The following TDRD7 variants were observed in gnomAD, a reference collection of about 807,000 sequenced individuals.
The protein encoded by TDRD7 is tudor domain containing 7, also known as tudor domain-containing protein 7.
In TDRD7, 47 loss-of-function variants were observed where a neutral mutation model predicts 109.8. That is an observed-to-expected ratio of 0.43 (90% CI 0.34 to 0.55). The LOEUF (loss-of-function observed/expected upper bound fraction) is 0.55, where lower values mean the gene tolerates loss of function less well. TDRD7 is among the 20% of genes least tolerant of loss of function. TDRD7 has a pLI of 0.03. For synonymous variants in TDRD7, 424 were observed against 457.3 expected, an observed-to-expected ratio of 0.93 and a Z score of 0.93; for missense variants, 1,164 against 1,319.2, an observed-to-expected ratio of 0.88 and a Z score of 1.82.
At chr9:97,470,716 AC>A in intron 9 of TDRD7, 47 bp downstream of exon 9, 1 of 1,392,012 alleles carries the variant, frequency 7.2e-7, no homozygotes, top group Non-Finnish European at 1.0e-6. Context: ...ATAGGCTATT[AC>A]CACTGTACAT....
At chr9:97,487,125 C>A (rs892502181) in intron 15 of TDRD7, 47 bp from the exon 16 acceptor site, 1 of 1,595,456 alleles carries the variant, frequency 6.3e-7, no homozygotes, top group Non-Finnish European at 8.6e-7. Flanking sequence ...AAAGCAGGTA[C>A]TGAGTTTATG....
intron 1 of TDRD7, among the ~76,000 whole-genome samples, chr9:97,413,424 A>G (rs750998913): frequency 2.0e-5 from 3 of 152,222 alleles, no homozygotes; most frequent in Non-Finnish European, 4.4e-5. Flanking sequence ...TTACTTTGCA[A>G]GGCTTTTCCA....
chr9:97,441,641 A>AT lies in TDRD7; in HGVS notation c.638-10dup, dbSNP rs748449778. 1 of 1,568,864 alleles carries AT rather than the reference A, an allele frequency of 6.4e-7. No individual in the cohort carries two copies. The highest frequency in any genetic ancestry group is 1.1e-5 in the South Asian group (1 of 87,570). On this transcript the variant is annotated splice_polypyrimidine_tract_variant and intron_variant, in intron 5 of 16. Transcript: ENST00000355295. Reference sequence around the variant, plus strand: ...GTTAAGCATTTTGGTTAATTCTATTATTTTTTTAATTTAAAGATAATTTAA... The same window carrying AT: ...GTTAAGCATTTTGGTTAATTCTATTATTTTTTTTAATTTAAAGATAATTTAA...
chr9:97,483,413 A>G (rs1408736614), intron 15 of TDRD7, 62 bp downstream of exon 15: 1 of 1,585,866 alleles, frequency 6.3e-7, no homozygotes, highest in African/African-American at 1.3e-5. Context: ...ATGATGCCAG[A>G]GTCTTAATCT....
At chr9:97,431,409 G>GACAAA (rs1828102151) in intron 3 of TDRD7, among the ~76,000 whole-genome samples, 1 of 152,034 alleles carries the variant, frequency 6.6e-6, no homozygotes, top group East Asian at 1.9e-4. Context: ...ATGATTTTAT[G>GACAAA]TCTTATTTGA....
chr9:97,487,044 T>G, intron 15 of TDRD7, 128 bp from the exon 16 acceptor site: 1 of 1,087,848 alleles, frequency 9.2e-7, no homozygotes, highest in East Asian at 2.6e-5. Flanking sequence ...TTTTTGAAAA[T>G]ATAGTTTTAA....
intron 1 of TDRD7, among the ~76,000 whole-genome samples, chr9:97,425,708 G>C (rs1048485090): frequency 6.6e-6 from 1 of 152,120 alleles, no homozygotes; most frequent in African/African-American, 2.4e-5. Context: ...AATGTTGTTG[G>C]TCCTGGTGAT....
chr9:97,483,407 T>C, intron 15 of TDRD7, 56 bp downstream of exon 15: 1 of 1,597,742 alleles, frequency 6.3e-7, no homozygotes, highest in Non-Finnish European at 8.5e-7. Flanking sequence ...TGTAAAATGA[T>C]GCCAGAGTCT....
intron 14 of TDRD7, among the ~76,000 whole-genome samples, chr9:97,481,447 C>A (rs998600692): frequency 1.3e-5 from 2 of 152,122 alleles, no homozygotes; most frequent in East Asian, 3.8e-4. Context: ...TGTACTTTTG[C>A]ATCTTTAAAT....
At chr9:97,482,750 G>C in intron 14 of TDRD7, 99 bp from the exon 15 acceptor site, 1 of 1,321,246 alleles carries the variant, frequency 7.6e-7, no homozygotes, top group Non-Finnish European at 1.1e-6. Flanking sequence ...CAAGGGTTTT[G>C]GCAAAATACT....
intron 1 of TDRD7, among the ~76,000 whole-genome samples, chr9:97,415,380 G>T (rs1361669848): frequency 1.3e-5 from 2 of 152,196 alleles, no homozygotes; most frequent in African/African-American, 4.8e-5. Context: ...TCAATCAATG[G>T]TAGAAGGCGT....
At chr9:97,436,248 G>A (rs184514448) in intron 4 of TDRD7, among the ~76,000 whole-genome samples, 10 of 152,164 alleles carry the variant, frequency 6.6e-5, no homozygotes, top group Admixed American at 5.9e-4. Context: ...TTATTTTCTT[G>A]TATGCCTGCC....
intron 8 of TDRD7, among the ~76,000 whole-genome samples, chr9:97,469,864 A>G (rs1828882392): frequency 6.6e-6 from 1 of 152,220 alleles, no homozygotes; most frequent in African/African-American, 2.4e-5. Flanking sequence ...AAAGTTGTTC[A>G]GGTTTCTGCA....
At chr9:97,445,076 C>G (rs1339023620) in intron 6 of TDRD7, among the ~76,000 whole-genome samples, 1 of 152,168 alleles carries the variant, frequency 6.6e-6, no homozygotes, top group African/African-American at 2.4e-5. Flanking sequence ...CAACAATGAG[C>G]CAGCTCCAAG....
chr9:97,475,544 A>C (rs773117707), intron 12 of TDRD7, 75 bp downstream of exon 12: 141 of 1,065,904 alleles, frequency 1.3e-4, no homozygotes, highest in Admixed American at 5.9e-5. Context: ...GGTTTTTTTA[A>C]AAAATTGAAT....
chr9:97,413,272 T>C (rs547473615), intron 1 of TDRD7, among the ~76,000 whole-genome samples: 1 of 152,374 alleles, frequency 6.6e-6, no homozygotes, highest in South Asian at 2.1e-4. Context: ...TGTGTATGAA[T>C]GTGTTGCATA....
intron 16 of TDRD7, among the ~76,000 whole-genome samples, chr9:97,490,491 CT>C (rs1194929912): frequency 2.1e-5 from 3 of 140,784 alleles, no homozygotes; most frequent in Non-Finnish European, 4.5e-5. Context: ...TCTTTCAAGA[CT>C]TTTGTTCATC....
chr9:97,463,168 A>T (rs1218948271), intron 7 of TDRD7, among the ~76,000 whole-genome samples: 1 of 152,090 alleles, frequency 6.6e-6, no homozygotes, highest in Non-Finnish European at 1.5e-5. Flanking sequence ...CCTCCCAACT[A>T]CTCAGCAGGC....
chr9:97,437,766 T>A (rs1828231201), intron 4 of TDRD7, among the ~76,000 whole-genome samples: 2 of 152,246 alleles, frequency 1.3e-5, no homozygotes, highest in Admixed American at 6.5e-5. Context: ...ATGTCTCTAA[T>A]AAACAACATA....
Sources: gnomAD v4.1 joint callset for allele counts (sites outside exome capture counted in the v4.1 genomes callset) on GRCh38, gnomAD v4.1.1 for gene constraint, MANE v1.5 for transcripts, NCBI Gene and HGNC (gene_info 2026-07-23, HGNC 2026-07-21) for gene names.